TAF3: variants seen among roughly 807,000 people sequenced by gnomAD.
TAF3 encodes the protein transcription initiation factor TFIID subunit 3.
TAF3 carries 7 observed loss-of-function variants against 80.6 expected under a neutral mutation model. The observed-to-expected ratio is 0.09, with a 90% CI of 0.05 to 0.16. The LOEUF (loss-of-function observed/expected upper bound fraction) is 0.16. Among genes scored for constraint, TAF3 ranks in the 10% least tolerant of loss-of-function variants. The pLI is 1.00. For synonymous variants in TAF3, 444 were observed against 446.1 expected (o/e 1.00, Z 0.06); for missense variants, 921 against 1,140.2 (o/e 0.81, Z 2.77).
At chr10:7,936,563 C>T (rs1481120703) in intron 2 of TAF3, among the ~76,000 whole-genome samples, 1 of 150,450 alleles carries the variant, frequency 6.6e-6, no homozygotes, top group Non-Finnish European at 1.5e-5. Context: ...TAAAATTGAA[C>T]AGAAAGTACT....
At chr10:7,957,790 G>GCACTCT (rs1491127988) in intron 2 of TAF3, among the ~76,000 whole-genome samples, 2 of 111,324 alleles carry the variant, frequency 1.8e-5, no homozygotes, top group Admixed American at 9.2e-5. Context: ...GCTCTCTCTA[G>GCACTCT]CGCGCTCTCT....
chr10:7,898,613 A>G (rs1588543941), intron 2 of TAF3, among the ~76,000 whole-genome samples: 1 of 151,364 alleles, frequency 6.6e-6, no homozygotes, highest in South Asian at 2.1e-4. Flanking sequence ...TTGGTGTGTG[A>G]CAGCCTCTCT....
chr10:7,918,271 AAG>A (rs1837731008), intron 2 of TAF3, among the ~76,000 whole-genome samples: 1 of 152,176 alleles, frequency 6.6e-6, no homozygotes, highest in Non-Finnish European at 1.5e-5. Flanking sequence ...GGTCTTCATG[AAG>A]AGTGGGAGAG....
chr10:7,922,463 A>T (rs1837772325), intron 2 of TAF3, among the ~76,000 whole-genome samples: 1 of 152,092 alleles, frequency 6.6e-6, no homozygotes. Context: ...TATTCCAAAT[A>T]GCAAACAGAT....
At chr10:7,931,880 A>G (rs999705909) in intron 2 of TAF3, among the ~76,000 whole-genome samples, 4 of 152,228 alleles carry the variant, frequency 2.6e-5, no homozygotes, top group Non-Finnish European at 5.9e-5. Flanking sequence ...CATGGATAAG[A>G]CAAAAACAGA....
At position 7,891,928 on chromosome 10, in the gene TAF3, A is replaced by G. The variant is rs990760480; in HGVS notation, c.409+67368A>G. Among the ~76,000 whole-genome samples, 5 of 152,228 alleles carry G rather than the reference A, an allele frequency of 3.3e-5. 1 individual carries two copies. The highest frequency in any genetic ancestry group is 4.1e-4 in the South Asian group (2 of 4,830). On this transcript the variant is annotated intron_variant, in intron 2 of 6. Coordinates refer to ENST00000344293, the MANE Select transcript of TAF3 (RefSeq NM_031923.4). Reference sequence around the variant, plus strand: ...TACTTTGCTTGTTAACTCAAGTACAATAGTGTTATATAGTATTACAATATG... The same window carrying G: ...TACTTTGCTTGTTAACTCAAGTACAGTAGTGTTATATAGTATTACAATATG...
chr10:7,830,473 C>CTTTTTTTTTTTT lies in TAF3; in HGVS notation c.409+5930_409+5941dup, dbSNP rs1176707860. Among the ~76,000 whole-genome samples, 20 of 57,678 alleles carry CTTTTTTTTTTTT rather than the reference C, an allele frequency of 3.5e-4. 3 individuals are homozygous for CTTTTTTTTTTTT. The highest frequency in any genetic ancestry group is 4.3e-4 in the Non-Finnish European group (14 of 32,346). 37.8% of individuals were successfully genotyped at this position (57,678 alleles called of 152,430 possible). A position where few individuals can be genotyped will look rare whatever the true frequency, so the allele number is the denominator to read the frequency against. ...TGCACACCTTTTTCACTTTACATGT[C>CTTTTTTTTTTTT]TTTTTTTTTTTTTTTTTTTTTTTTT... On this transcript the variant is annotated intron_variant, in intron 2 of 6. Coordinates refer to ENST00000344293, the MANE Select transcript of TAF3 (RefSeq NM_031923.4).
chr10:7,966,769 T>TA (rs1186644688), intron 3 of TAF3, among the ~76,000 whole-genome samples: 2 of 152,152 alleles, frequency 1.3e-5, no homozygotes, highest in African/African-American at 4.8e-5. Flanking sequence ...ACTTCAAACT[T>TA]ACCTAGAAAA....
chr10:8,010,167 A>G (rs1832040631), intron 5 of TAF3, among the ~76,000 whole-genome samples: 1 of 152,144 alleles, frequency 6.6e-6, no homozygotes, highest in South Asian at 2.1e-4. Flanking sequence ...TCTGCCTCCC[A>G]ACGTGCTGAG....
intron 2 of TAF3, among the ~76,000 whole-genome samples, chr10:7,874,783 G>A (rs977131356): frequency 4.6e-5 from 7 of 151,514 alleles, no homozygotes; most frequent in Non-Finnish European, 1.0e-4. Flanking sequence ...TCTTTTCTAG[G>A]TGCAGATTAC....
intron 3 of TAF3, among the ~76,000 whole-genome samples, chr10:7,973,351 A>C (rs1301287222): frequency 6.6e-6 from 1 of 152,208 alleles, no homozygotes; most frequent in Non-Finnish European, 1.5e-5. Flanking sequence ...CGTACATGCT[A>C]GTGTTGTCAG....
chr10:7,994,018 C>T (rs1831860105), intron 4 of TAF3, among the ~76,000 whole-genome samples: 1 of 138,594 alleles, frequency 7.2e-6, no homozygotes, highest in Non-Finnish European at 1.5e-5. Flanking sequence ...CTTTTTCTCC[C>T]CCATCCCTCC....
chr10:7,819,306 A>T (rs991577201), intron 1 of TAF3, among the ~76,000 whole-genome samples: 2 of 152,150 alleles, frequency 1.3e-5, no homozygotes, highest in African/African-American at 4.8e-5. Context: ...GCCGTTTCTT[A>T]CAAGACTGGC....
intron 2 of TAF3, among the ~76,000 whole-genome samples, chr10:7,880,109 T>C (rs1018700): frequency 0.59 from 90,004 of 151,958 alleles, 27,779 homozygotes; most frequent in East Asian, 0.8. Flanking sequence ...CTTGGTGGCA[T>C]GCACCTGTAA....
At chr10:7,987,387 A>G (rs1831789131) in intron 4 of TAF3, among the ~76,000 whole-genome samples, 1 of 152,034 alleles carries the variant, frequency 6.6e-6, no homozygotes, top group Non-Finnish European at 1.5e-5. Context: ...CTCCCCTCTA[A>G]CAGATCATGA....
intron 2 of TAF3, among the ~76,000 whole-genome samples, chr10:7,872,136 T>G (rs1837272388): frequency 6.6e-6 from 1 of 152,070 alleles, no homozygotes; most frequent in African/African-American, 2.4e-5. Context: ...CTTTTCTAAT[T>G]TTTCTTTTTT....
At chr10:7,833,861 G>T in intron 2 of TAF3, 1 of 825,756 alleles carries the variant, frequency 1.2e-6, no homozygotes, top group East Asian at 4.2e-5. Flanking sequence ...AGGGCTTCCT[G>T]GGGAAGAGGA....
rs1277889670 is a variant in TAF3 at position 7,892,131 on chromosome 10, C to T, written c.409+67571C>T. On this transcript the variant is annotated intron_variant, in intron 2 of 6. Coordinates refer to ENST00000344293, the MANE Select transcript of TAF3 (RefSeq NM_031923.4). ...TTACAACTTTATGCATTACAAAATT[C>T]AGATGCATATTATGAATGCTTATTT... Among the ~76,000 whole-genome samples, 42 of 152,138 alleles carry T rather than the reference C, an allele frequency of 2.8e-4. 1 individual carries two copies. The highest frequency in any genetic ancestry group is 2.8e-3 in the Admixed American group (42 of 15,266).
At chr10:7,989,368 G>A (rs79183105) in intron 4 of TAF3, among the ~76,000 whole-genome samples, 2,336 of 152,312 alleles carry the variant, frequency 0.015, 41 homozygotes, top group Non-Finnish European at 0.021. Context: ...CCCAGCAGAT[G>A]CCCTGAGCCT....
Sources: allele counts gnomAD v4.1 joint callset (sites outside exome capture counted in the v4.1 genomes callset), GRCh38; gene constraint gnomAD v4.1.1; transcripts MANE v1.5; gene names NCBI Gene and HGNC (gene_info 2026-07-23, HGNC 2026-07-21).